GPHN: variants seen among roughly 807,000 people sequenced by gnomAD.
GPHN encodes gephyrin.
Under a neutral mutation model 95.5 loss-of-function variants are expected in GPHN, and 17 were observed. The ratio of observed to expected loss-of-function variants is 0.18; its 90% CI spans 0.12 to 0.27. GPHN has a LOEUF of 0.27. GPHN is among the 10% of genes least tolerant of loss of function. The probability of loss-of-function intolerance (pLI) is 1.00; values close to 1 mark genes in which losing one functional copy is unlikely to be tolerated. For missense variants in GPHN, 660 were observed against 978.1 expected (o/e 0.67, Z 4.34); for synonymous variants, 320 against 322.5 (o/e 0.99, Z 0.08).
chr14:67,310,315 A>G, the GPHN span, among the ~76,000 whole-genome samples: 1 of 152,138 alleles, frequency 6.6e-6, no homozygotes, highest in Admixed American at 6.5e-5. Context: ...ATGAGCCACA[A>G]CACTTTCAAA....
At chr14:67,655,776 T>TG in the GPHN span, among the ~76,000 whole-genome samples, 5 of 152,376 alleles carry the variant, frequency 3.3e-5, no homozygotes. Flanking sequence ...ATTATTTCTC[T>TG]TGCCAAAGAG....
intron 11 of GPHN, among the ~76,000 whole-genome samples, chr14:67,084,190 A>G (rs1437354278): frequency 6.6e-6 from 1 of 152,250 alleles, no homozygotes; most frequent in Non-Finnish European, 1.5e-5. Context: ...GAGTAAATGT[A>G]GTCCTTCCAA....
chr14:67,544,845 T>A, the GPHN span, among the ~76,000 whole-genome samples: 5 of 152,200 alleles, frequency 3.3e-5, no homozygotes, highest in African/African-American at 7.2e-5. Flanking sequence ...GAAATACAAA[T>A]ACAGCAGTTG....
chr14:66,688,594 AG>A (rs1474536766), intron 2 of GPHN, among the ~76,000 whole-genome samples: 2 of 152,118 alleles, frequency 1.3e-5, no homozygotes, highest in East Asian at 3.8e-4. Context: ...AGAGTCTTTG[AG>A]GGGAGTCTTT....
chr14:67,267,848 C>T, the GPHN span, among the ~76,000 whole-genome samples: 61 of 152,170 alleles, frequency 4.0e-4, no homozygotes, highest in African/African-American at 1.4e-3. Flanking sequence ...GAATCATACT[C>T]GTGTCTGGCA....
chr14:67,553,362 T>C, the GPHN span, among the ~76,000 whole-genome samples: 1 of 152,028 alleles, frequency 6.6e-6, no homozygotes, highest in African/African-American at 2.4e-5. Context: ...TTCATTAGAT[T>C]ATTTCTGTGT....
chr14:67,671,179 T>C, the GPHN span, among the ~76,000 whole-genome samples: 1 of 152,224 alleles, frequency 6.6e-6, no homozygotes, highest in Non-Finnish European at 1.5e-5. Flanking sequence ...TAGGGATATG[T>C]ATATATTTTC....
chr14:66,687,838 G>A (rs1199383865), intron 2 of GPHN, among the ~76,000 whole-genome samples: 3 of 152,148 alleles, frequency 2.0e-5, no homozygotes, highest in South Asian at 4.1e-4. Context: ...CCATTTGTTT[G>A]TGTCCTCTTC....
At chr14:67,207,595 G>C in the GPHN span, among the ~76,000 whole-genome samples, 5 of 152,168 alleles carry the variant, frequency 3.3e-5, no homozygotes, top group Non-Finnish European at 5.9e-5. Context: ...AGAAGAAGGT[G>C]CAGACATGAA....
rs113430665 is a variant in GPHN at position 66,935,315 on chromosome 14, C to T, written c.828+11023C>T. Among the ~76,000 whole-genome samples, 218 of 152,060 alleles carry T rather than the reference C, an allele frequency of 1.4e-3. 1 individual carries two copies. Among genetic ancestry groups the T allele is most frequent in the African/African-American group, 5.2e-3 (216 of 41,472 alleles). On this transcript the variant is annotated intron_variant, in intron 8 of 22. Transcript: ENST00000478722. ...AAATCCAAAACAATAATGATGCTCC[C>T]TAAGCTGTATTGTATGAAAGAACAT... is the stretch of plus-strand genomic sequence containing the variant.
chr14:67,733,636 G>A, the GPHN span: 4 of 731,480 alleles, frequency 5.5e-6, no homozygotes, highest in Non-Finnish European at 9.7e-6. Flanking sequence ...CTTTGAGTCT[G>A]GCATATATTG....
intron 1 of GPHN, among the ~76,000 whole-genome samples, chr14:66,559,718 T>G (rs1330384541): frequency 7.3e-5 from 11 of 151,716 alleles, no homozygotes; most frequent in Non-Finnish European, 1.3e-4. Flanking sequence ...TAGTTTCTTT[T>G]GCTGTGCAGA....
chr14:67,638,782 A>C, the GPHN span, among the ~76,000 whole-genome samples: 2 of 152,238 alleles, frequency 1.3e-5, no homozygotes, highest in African/African-American at 4.8e-5. Context: ...TGCTGAGTGC[A>C]TAGCTCATCA....
intron 2 of GPHN, among the ~76,000 whole-genome samples, chr14:66,704,284 G>A (rs1246023769): frequency 6.6e-6 from 1 of 151,840 alleles, no homozygotes; most frequent in Non-Finnish European, 1.5e-5. Flanking sequence ...AGGATGTTCA[G>A]GACTTGAACT....
the GPHN span, among the ~76,000 whole-genome samples, chr14:67,505,344 T>C: frequency 6.6e-6 from 1 of 152,164 alleles, no homozygotes; most frequent in Non-Finnish European, 1.5e-5. Flanking sequence ...CCAGGACCAC[T>C]CAGGAAACTT....
chr14:67,115,779 T>G (rs1225863028), intron 16 of GPHN, among the ~76,000 whole-genome samples: 1 of 152,164 alleles, frequency 6.6e-6, no homozygotes, highest in Non-Finnish European at 1.5e-5. Flanking sequence ...TGTCCACTTC[T>G]TGAATCTCAT....
chr14:67,135,160 A>G (rs951192148), intron 17 of GPHN, among the ~76,000 whole-genome samples: 27 of 151,802 alleles, frequency 1.8e-4, no homozygotes, highest in Middle Eastern at 3.2e-3. Flanking sequence ...GGGTTTCACC[A>G]TGTTGGCCAG....
chr14:66,766,607 A>G (rs1468634846), intron 2 of GPHN, among the ~76,000 whole-genome samples: 2 of 152,106 alleles, frequency 1.3e-5, no homozygotes, highest in Non-Finnish European at 2.9e-5. Context: ...AAAATAACTG[A>G]CATTTGTGCA....
At chr14:67,016,494 G>A (rs1473263500) in intron 9 of GPHN, among the ~76,000 whole-genome samples, 3 of 151,926 alleles carry the variant, frequency 2.0e-5, no homozygotes, top group Non-Finnish European at 4.4e-5. Context: ...CATAATGAAA[G>A]AAGATAATAA....
Sources: gnomAD v4.1 joint callset for allele counts (sites outside exome capture counted in the v4.1 genomes callset) on GRCh38, gnomAD v4.1.1 for gene constraint, MANE v1.5 for transcripts, NCBI Gene and HGNC (gene_info 2026-07-23, HGNC 2026-07-21) for gene names.